The following TOMM34 variants were observed in gnomAD, a reference collection of about 807,000 sequenced individuals.
TOMM34 encodes the protein translocase of outer mitochondrial membrane 34, also known as mitochondrial import receptor subunit TOM34.
A neutral mutation model predicts 37.4 loss-of-function variants in TOMM34; 24 were observed. The observed-to-expected ratio is 0.64, with a 90% CI of 0.46 to 0.90. TOMM34 has a LOEUF of 0.90. Among genes scored for constraint, TOMM34 ranks in the 40% least tolerant of loss-of-function variants. The probability of loss-of-function intolerance (pLI) is 0.00; values close to 1 mark genes in which losing one functional copy is unlikely to be tolerated. For missense variants in TOMM34, 304 were observed against 375.6 expected (o/e 0.81, Z 1.58); for synonymous variants, 154 against 148.9 (o/e 1.03, Z -0.25).
intron 1 of TOMM34, chr20:44,959,820 G>T: frequency 5.0e-6 from 3 of 597,978 alleles, no homozygotes; most frequent in Non-Finnish European, 6.3e-6. Context: ...TTACTGACTC[G>T]CTTAAGACTC....
Position 44,958,146 on chromosome 20 carries a change from G to GTATATGTATATATA in TOMM34, c.128-1662_128-1661insTATATATACATATA, listed in dbSNP as rs1257491918. 3.7e-3 allele frequency among the ~76,000 whole-genome samples: 547 copies of GTATATGTATATATA among 146,976 alleles called. 3 individuals are homozygous for GTATATGTATATATA. The highest frequency in any genetic ancestry group is 5.2e-3 in the African/African-American group (207 of 39,952). ...TATATATATGTATATGTATATATAT[G>GTATATGTATATATA]TGTGTGTGTGTGTGTGTGTTAACAG... On this transcript the variant is annotated intron_variant, in intron 1 of 6. Transcript: ENST00000372813.
At chr20:44,957,342 G>A (rs572245399) in intron 1 of TOMM34, among the ~76,000 whole-genome samples, 6 of 152,088 alleles carry the variant, frequency 3.9e-5, no homozygotes, top group African/African-American at 1.4e-4. Flanking sequence ...ACAGGCACTC[G>A]CCACCACGCC....
intron 1 of TOMM34, among the ~76,000 whole-genome samples, chr20:44,956,994 T>C (rs2067079504): frequency 6.6e-6 from 1 of 152,144 alleles, no homozygotes; most frequent in Non-Finnish European, 1.5e-5. Context: ...AGACTAGTTT[T>C]ACCTGGTCAA....
rs1473486435 is a variant in TOMM34 at position 44,945,995 on chromosome 20, T to C, written c.699-2416A>G. ...ACTTCAGCCTCCCGAGTAGCTGGGATTACAGGTGCATGCCACCATGCCCAG... is the reference window on the plus strand; with the variant it reads ...ACTTCAGCCTCCCGAGTAGCTGGGACTACAGGTGCATGCCACCATGCCCAG... On this transcript the variant is annotated intron_variant, in intron 5 of 6. Transcript: ENST00000372813. 2.6e-5 allele frequency among the ~76,000 whole-genome samples: 4 copies of C among 152,056 alleles called. No individual in the cohort carries two copies. In the East Asian group the frequency reaches 7.7e-4, roughly 29 times the overall value.
chr20:44,958,144 A>ATGTATATGTATCTATATGTG (rs60792281), intron 1 of TOMM34, among the ~76,000 whole-genome samples: 17 of 146,980 alleles, frequency 1.2e-4, no homozygotes, highest in Non-Finnish European at 2.4e-4. Flanking sequence ...ATGTATATAT[A>ATGTATATGTATCTATATGTG]TGTGTGTGTG....
At chr20:44,950,759 G>A (rs1484772391) in intron 4 of TOMM34, among the ~76,000 whole-genome samples, 1 of 152,214 alleles carries the variant, frequency 6.6e-6, no homozygotes, top group African/African-American at 2.4e-5. Context: ...CCTGTAGAAG[G>A]TGAGTAACTC....
intron 1 of TOMM34, among the ~76,000 whole-genome samples, chr20:44,957,160 G>A (rs1031757707): frequency 1.3e-5 from 2 of 152,138 alleles, no homozygotes; most frequent in Admixed American, 1.3e-4. Context: ...AGAGGCTCAA[G>A]TCCTTCACTG....
Position 44,960,353 on chromosome 20 carries a change from G to A in TOMM34, c.-20C>T, listed in dbSNP as rs747225443. The A allele has an allele frequency of 1.3e-6, 2 of 1,547,884 alleles. No individual in the cohort carries two copies. The highest frequency in any genetic ancestry group is 8.7e-7 in the Non-Finnish European group (1 of 1,145,396). On this transcript the variant is annotated 5_prime_UTR_variant, in exon 1 of 7. Coordinates refer to ENST00000372813, the MANE Select transcript of TOMM34 (RefSeq NM_006809.5). ...GGCCATCCCGTGGCCAGGCCGGCGA[G>A]TTGGGAGCTCCTTCCTTCCTCCCCC...
chr20:44,954,937 A>G, intron 3 of TOMM34, 131 bp downstream of exon 3: 1 of 1,158,188 alleles, frequency 8.6e-7, no homozygotes, highest in Non-Finnish European at 1.2e-6. Context: ...AGCTTCCCCT[A>G]CATGCCCATC....
chr20:44,948,836 C>T lies in TOMM34; in HGVS notation c.592G>A (p.Glu198Lys), dbSNP rs2067002441. ...TTCTTTACAAGCTCATTGCCTTCTT[C>T]CTTCAGAACTCTGGCTTTCTCCACA... Reference protein sequence around the residue: ...GDVEKARVLKEEGNELVKKGN... With the variant: ...GDVEKARVLKKEGNELVKKGN... The change falls in exon 5 of 7, where the codon GAA (glutamate) becomes AAA (lysine). Residue 198 changes from glutamate (E) to lysine (K), a missense_variant. Coordinates refer to ENST00000372813, the MANE Select transcript of TOMM34 (RefSeq NM_006809.5). The T allele has an allele frequency of 6.2e-7, 1 of 1,613,976 alleles. No homozygotes were observed. Among genetic ancestry groups the T allele is most frequent in the South Asian group, 1.1e-5 (1 of 91,080 alleles).
chr20:44,943,123 G>C lies in TOMM34; in HGVS notation c.916C>G (p.Gln306Glu), dbSNP rs1422055901. ...PAQKLRQEVK[Q>E]NLH ...CTGTTGGGTTTTTAGTGTAGGTTCT[G>C]CTTCACTTCCTGCCGCAACTTCTGT... Residue 306 changes from glutamine to glutamate, a missense_variant, in exon 7 of 7, where the codon CAG becomes GAG. Coordinates refer to ENST00000372813, the MANE Select transcript of TOMM34 (RefSeq NM_006809.5). 5 of 1,614,024 alleles carry C rather than the reference G, an allele frequency of 3.1e-6. No individual in the cohort carries two copies. In the African/African-American group the frequency reaches 6.7e-5, roughly 22 times the overall value.
At chr20:44,951,342 C>T (rs139158792) in intron 4 of TOMM34, among the ~76,000 whole-genome samples, 69 of 152,204 alleles carry the variant, frequency 4.5e-4, no homozygotes, top group African/African-American at 1.2e-3. Context: ...ACAAAGCTGA[C>T]GCACAACAGA....
In TOMM34 at chr20:44,943,230, C is replaced by G; in HGVS notation, c.826-17G>C. On this transcript the variant is annotated splice_polypyrimidine_tract_variant and intron_variant, in intron 6 of 6. Transcript: ENST00000372813. ...TTTATAGTCCTAATAGAAGAAAAGA[C>G]AGGAGTGTGGGGGAAGGTTCCCGGA... The G allele has an allele frequency of 6.2e-7, 1 of 1,613,704 alleles. No homozygotes were observed.
chr20:44,945,465 G>C (rs1385788942), intron 5 of TOMM34, among the ~76,000 whole-genome samples: 1 of 152,202 alleles, frequency 6.6e-6, no homozygotes. Flanking sequence ...AATAGGCCTT[G>C]CAGCTTCCAC....
intron 3 of TOMM34, among the ~76,000 whole-genome samples, chr20:44,953,828 A>G (rs6103938): frequency 3.3e-5 from 5 of 152,064 alleles, no homozygotes. Flanking sequence ...GTTGCCCTTC[A>G]TATCATCCCT....
At chr20:44,946,293 A>T (rs938018843) in intron 5 of TOMM34, among the ~76,000 whole-genome samples, 1 of 152,228 alleles carries the variant, frequency 6.6e-6, no homozygotes, top group Admixed American at 6.5e-5. Context: ...GGGTCATGTG[A>T]GACTTCTAAA....
chr20:44,949,681 C>T (rs2067010117), intron 4 of TOMM34, among the ~76,000 whole-genome samples: 1 of 152,174 alleles, frequency 6.6e-6, no homozygotes, highest in African/African-American at 2.4e-5. Context: ...TAGGTTTACA[C>T]CCTGAATTCA....
chr20:44,955,366 C>T, intron 2 of TOMM34, 146 bp from the exon 3 acceptor site: 1 of 980,658 alleles, frequency 1.0e-6, no homozygotes, highest in South Asian at 1.5e-5. Context: ...CGCCAAACCT[C>T]AGAACAGGGA....
intron 4 of TOMM34, 82 bp from the exon 5 acceptor site, chr20:44,948,959 TCCAAA>T (rs759539016): frequency 4.0e-6 from 6 of 1,509,462 alleles, no homozygotes; most frequent in Non-Finnish European, 5.3e-6. Flanking sequence ...CATCGTCCCT[TCCAAA>T]CTGACTACAA....
Sources: allele counts gnomAD v4.1 joint callset (sites outside exome capture counted in the v4.1 genomes callset), GRCh38; gene constraint gnomAD v4.1.1; transcripts MANE v1.5; gene names NCBI Gene and HGNC (gene_info 2026-07-23, HGNC 2026-07-21).